C2orf72: variants seen among roughly 807,000 people sequenced by gnomAD.
The protein encoded by C2orf72 is uncharacterized protein C2orf72.
A neutral mutation model predicts 14.4 loss-of-function variants in C2orf72; 16 were observed. The ratio of observed to expected loss-of-function variants is 1.11; its 90% CI spans 0.75 to 1.69. C2orf72 has a LOEUF of 1.69. Among genes scored for constraint, C2orf72 ranks in the 40% most tolerant of loss-of-function variants. C2orf72 has a pLI of 0.00. For missense variants in C2orf72, 371 were observed against 358.3 expected, an observed-to-expected ratio of 1.04 and a Z score of -0.29; for synonymous variants, 168 against 176.8, an observed-to-expected ratio of 0.95 and a Z score of 0.40.
rs1227715415 is a variant in C2orf72 at position 231,049,532 on chromosome 2, A to C, written c.*2511A>C. On this transcript the variant is annotated 3_prime_UTR_variant, in exon 3 of 3. Coordinates refer to ENST00000373640, the MANE Select transcript of C2orf72 (RefSeq NM_001144994.2). ...GGTGGAGGGTGGCGTGTGAAGGAGG[A>C]GGCCCTTGATTAGGTCAGTGGTCCC... 6.6e-6 allele frequency: 1 copy of C among 152,236 alleles called. No homozygotes were observed. The highest frequency in any genetic ancestry group is 2.4e-5 in the African/African-American group (1 of 41,440). The allele number at this position is 152,236 out of a possible 1,614,324, so 9.4% of individuals were successfully genotyped here.
In C2orf72 at chr2:231,037,766, C is replaced by CGGCGCGGCGGCAGAG. The variant is rs1693272969; in HGVS notation, c.209_223dup (p.Ala70_Ala74dup). 3.0e-6 allele frequency: 3 copies of CGGCGCGGCGGCAGAG among 992,088 alleles called. No homozygotes were observed. 61.5% of individuals were successfully genotyped at this position (992,088 alleles called of 1,614,324 possible). A position where few individuals can be genotyped will look rare whatever the true frequency, so the allele number is the denominator to read the frequency against. On this transcript the variant is annotated inframe_insertion, in exon 1 of 3. Coordinates refer to ENST00000373640, the MANE Select transcript of C2orf72 (RefSeq NM_001144994.2). ...CGGAGCCAGGCGCGGCCAAGCCGGGCGGCGCGGCGGCAGAGGGCGCGGGGC... is the reference window on the plus strand; with the variant it reads ...CGGAGCCAGGCGCGGCCAAGCCGGGCGGCGCGGCGGCAGAGGGCGCGGCGGCAGAGGGCGCGGGGC...
rs965752798 is a variant in C2orf72 at position 231,037,529 on chromosome 2, G to A, written c.-37G>A. The A allele has an allele frequency of 1.0e-5, 10 of 998,024 alleles. No homozygotes were observed. In the African/African-American group the frequency reaches 1.4e-4, roughly 14 times the overall value. The allele number at this position is 998,024 out of a possible 1,614,324, so 61.8% of individuals were successfully genotyped here. On this transcript the variant is annotated 5_prime_UTR_variant, in exon 1 of 3. Coordinates refer to ENST00000373640, the MANE Select transcript of C2orf72 (RefSeq NM_001144994.2). ...CGAGAGGCGGGCAGCGGGTGCGCCC[G>A]GGCCGCGGCGGCCGCAGAGGGCGGG...
In C2orf72 at chr2:231,049,615, ATCTT is replaced by A. The variant is rs1322293854; in HGVS notation, c.*2598_*2601del. 1 of 152,230 alleles carries A rather than the reference ATCTT, an allele frequency of 6.6e-6. No homozygotes were observed. Among genetic ancestry groups the A allele is most frequent in the Non-Finnish European group, 1.5e-5 (1 of 68,038 alleles). 9.4% of individuals were successfully genotyped at this position (152,230 alleles called of 1,614,324 possible). On this transcript the variant is annotated 3_prime_UTR_variant, in exon 3 of 3. Transcript: ENST00000373640. ...TGACAGTCTGGGCTCTCGGGTACTA[ATCTT>A]TCTAATATGGCAGTGGTTGTGGCAC... is the stretch of plus-strand genomic sequence containing the variant.
intron 1 of C2orf72, 29 bp from the exon 2 acceptor site, chr2:231,041,267 C>G: frequency 1.3e-6 from 2 of 1,501,110 alleles, no homozygotes; most frequent in Non-Finnish European, 1.8e-6. Context: ...CCATGTGACC[C>G]TCTGACTCAG....
chr2:231,045,207 T>G (rs1303428362), intron 2 of C2orf72, among the ~76,000 whole-genome samples: 1 of 151,514 alleles, frequency 6.6e-6, no homozygotes, highest in East Asian at 1.9e-4. Flanking sequence ...GAGGTTGCAG[T>G]GGGCAGAGAT....
chr2:231,038,406 C>G (rs1349309231), intron 1 of C2orf72, among the ~76,000 whole-genome samples: 1 of 151,112 alleles, frequency 6.6e-6, no homozygotes, highest in Admixed American at 6.6e-5. Flanking sequence ...CCGGAGTGCA[C>G]GGGAGATGCC....
Position 231,046,888 on chromosome 2 carries a change from TC to T in C2orf72, c.757del (p.Gln253ArgfsTer9), listed in dbSNP as rs1284172389. 2 of 1,550,376 alleles carry T rather than the reference TC, an allele frequency of 1.3e-6. No homozygotes were observed. The highest frequency in any genetic ancestry group is 2.0e-5 in the Admixed American group (1 of 50,888). ...AACRSSAQED[F>X]QEPEEELPLT... ...TTCTTCTCCTGTGTTCCAGAAGACT[TC>T]CAGGAACCTGAGGAGGAGCTGCCAC... On this transcript the variant is annotated frameshift_variant, in exon 3 of 3. Transcript: ENST00000373640. LOFTEE classifies it low-confidence loss of function (END_TRUNC).
At position 231,037,538 on chromosome 2, in the gene C2orf72, C is replaced by T. The variant is rs1348334941; in HGVS notation, c.-28C>T. 1 of 999,802 alleles carries T rather than the reference C, an allele frequency of 1.0e-6. No homozygotes were observed. The highest frequency in any genetic ancestry group is 4.5e-5 in the South Asian group (1 of 22,158). The allele number at this position is 999,802 out of a possible 1,614,324, so 61.9% of individuals were successfully genotyped here. A position where few individuals can be genotyped will look rare whatever the true frequency, so the allele number is the denominator to read the frequency against. On this transcript the variant is annotated 5_prime_UTR_variant, in exon 1 of 3. Transcript: ENST00000373640. ...GGCAGCGGGTGCGCCCGGGCCGCGGCGGCCGCAGAGGGCGGGCGGCGGCCA... is the reference window on the plus strand; with the variant it reads ...GGCAGCGGGTGCGCCCGGGCCGCGGTGGCCGCAGAGGGCGGGCGGCGGCCA...
chr2:231,046,696 A>G (rs918095710), intron 2 of C2orf72, among the ~76,000 whole-genome samples, 186 bp from the exon 3 acceptor site: 2 of 152,186 alleles, frequency 1.3e-5, no homozygotes, highest in African/African-American at 4.8e-5. Context: ...TTATTTTCTT[A>G]GGATAAAATC....
Position 231,047,091 on chromosome 2 carries a change from C to A in C2orf72, c.*70C>A. 1 of 1,539,304 alleles carries A rather than the reference C, an allele frequency of 6.5e-7. No homozygotes were observed. The highest frequency in any genetic ancestry group is 8.8e-7 in the Non-Finnish European group (1 of 1,136,340). On this transcript the variant is annotated 3_prime_UTR_variant, in exon 3 of 3. Transcript: ENST00000373640. ...GGCCTGGCTCCGTCTTACTGGCCCC[C>A]AGGTCTCCATGGAGACTGCAGAAAC...
rs1321156708 is a variant in C2orf72 at position 231,047,944 on chromosome 2, G to A, written c.*923G>A. 6.6e-6 allele frequency: 1 copy of A among 152,302 alleles called. No individual in the cohort carries two copies. Among genetic ancestry groups the A allele is most frequent in the Non-Finnish European group, 1.5e-5 (1 of 68,118 alleles). 9.4% of individuals were successfully genotyped at this position (152,302 alleles called of 1,614,324 possible). A position where few individuals can be genotyped will look rare whatever the true frequency, so the allele number is the denominator to read the frequency against. Reference sequence around the variant, plus strand: ...TCTGTGCCAAGTCCTTTGGGTATAAGGATGCTAGGGAATTCCTATAGGCAC... The same window carrying A: ...TCTGTGCCAAGTCCTTTGGGTATAAAGATGCTAGGGAATTCCTATAGGCAC... On this transcript the variant is annotated 3_prime_UTR_variant, in exon 3 of 3. Coordinates refer to ENST00000373640, the MANE Select transcript of C2orf72 (RefSeq NM_001144994.2).
chr2:231,041,234 C>T, intron 1 of C2orf72, 62 bp from the exon 2 acceptor site: 2 of 1,192,822 alleles, frequency 1.7e-6, no homozygotes, highest in Non-Finnish European at 2.3e-6. Flanking sequence ...TAAACGAAAT[C>T]TCTCAGTCTT....
At chr2:231,045,753 C>T (rs978909931) in intron 2 of C2orf72, among the ~76,000 whole-genome samples, 40 of 152,084 alleles carry the variant, frequency 2.6e-4, no homozygotes, top group Admixed American at 8.5e-4. Flanking sequence ...CTCCTGACCT[C>T]GTGATCTGTC....
At chr2:231,039,176 C>T (rs569939416) in intron 1 of C2orf72, among the ~76,000 whole-genome samples, 1 of 151,594 alleles carries the variant, frequency 6.6e-6, no homozygotes, top group South Asian at 2.1e-4. Context: ...ACTGTTGTGG[C>T]GTAGGGGGAG....
chr2:231,041,085 T>G, intron 1 of C2orf72: 33 of 474,356 alleles, frequency 7.0e-5, no homozygotes, highest in Non-Finnish European at 7.1e-5. Flanking sequence ...AAGAATTAAA[T>G]GAGATAACAT....
intron 2 of C2orf72, among the ~76,000 whole-genome samples, chr2:231,044,945 T>TTATATATATATATA (rs58611878): frequency 0.019 from 2,695 of 141,470 alleles, 50 homozygotes; most frequent in African/African-American, 0.046. Context: ...ATATATATCT[T>TTATATATATATATA]TATATATATA....
intron 1 of C2orf72, 46 bp from the exon 2 acceptor site, chr2:231,041,250 G>A (rs1693336021): frequency 1.5e-6 from 2 of 1,372,206 alleles, no homozygotes; most frequent in South Asian, 2.6e-5. Flanking sequence ...GTCTTGTGAA[G>A]TGGGAACCAT....
rs1693274359 is a variant in C2orf72, at chr2:231,037,811, G to A, written c.246G>A (p.Ala82=). 2 of 980,432 alleles carry A rather than the reference G, an allele frequency of 2.0e-6. No individual in the cohort carries two copies. Among genetic ancestry groups the A allele is most frequent in the African/African-American group, 1.8e-5 (1 of 56,334 alleles). The allele number at this position is 980,432 out of a possible 1,614,324, so 60.7% of individuals were successfully genotyped here. A position where few individuals can be genotyped will look rare whatever the true frequency, so the allele number is the denominator to read the frequency against. The change falls in exon 1 of 3, where the codon GCG becomes GCA. Residue 82 remains alanine (A), a synonymous_variant. Transcript: ENST00000373640. ...EGAGPGAARG[A]QRAARAAGAA... ...CGGGGCCCGGGGCGGCGCGCGGGGCGCAGAGGGCGGCGAGGGCGGCTGGGG... is the reference window on the plus strand; with the variant it reads ...CGGGGCCCGGGGCGGCGCGCGGGGCACAGAGGGCGGCGAGGGCGGCTGGGG...
rs141576984 is a variant in C2orf72 at position 231,039,612 on chromosome 2, C to T, written c.634+1413C>T. On this transcript the variant is annotated intron_variant, in intron 1 of 2. Transcript: ENST00000373640. ...GGCGAGCGCGCCTGCCCTAACCCTC[C>T]TCCCTTAGGGTGCAATCCATTTTTT... is the stretch of plus-strand genomic sequence containing the variant. Among the ~76,000 whole-genome samples the T allele has an allele frequency of 5.1e-3, 772 of 152,260 alleles. 6 individuals carry two copies. Among genetic ancestry groups the T allele is most frequent in the African/African-American group, 0.018 (740 of 41,556 alleles).
Sources: gnomAD v4.1 joint callset for allele counts (sites outside exome capture counted in the v4.1 genomes callset) on GRCh38, gnomAD v4.1.1 for gene constraint, MANE v1.5 for transcripts, NCBI Gene and HGNC (gene_info 2026-07-23, HGNC 2026-07-21) for gene names.